Variants in PREX1 observed in about 807,000 individuals in gnomAD.
PREX1 encodes phosphatidylinositol 3,4,5-trisphosphate-dependent Rac exchanger 1 protein.
PREX1 carries 41 observed loss-of-function variants against 198.3 expected under a neutral mutation model. The ratio of observed to expected loss-of-function variants is 0.21; its 90% CI spans 0.16 to 0.27. PREX1 has a LOEUF of 0.27. Among genes scored for constraint, PREX1 ranks in the 10% least tolerant of loss-of-function variants. The pLI is 1.00. For synonymous variants in PREX1, 843 were observed against 887.2 expected, an observed-to-expected ratio of 0.95 and a Z score of 0.89; for missense variants, 1,620 against 2,200.7, an observed-to-expected ratio of 0.74 and a Z score of 5.28.
At chr20:48,659,896 C>T in intron 16 of PREX1, 23 bp downstream of exon 16, 1 of 1,613,668 alleles carries the variant, frequency 6.2e-7, no homozygotes, top group Middle Eastern at 1.7e-4. Flanking sequence ...AAGGAAGGGA[C>T]AGCTGCTCAG....
chr20:48,862,172 G>A, the PREX1 span, among the ~76,000 whole-genome samples: 1 of 151,978 alleles, frequency 6.6e-6, no homozygotes, highest in African/African-American at 2.4e-5. Flanking sequence ...CTGCCCCACT[G>A]CACTCTGGCC....
chr20:48,661,301 C>A (rs971382141), intron 15 of PREX1, among the ~76,000 whole-genome samples: 1 of 149,726 alleles, frequency 6.7e-6, no homozygotes, highest in African/African-American at 2.5e-5. Context: ...TGCCTGTAAT[C>A]CCAGCTACTC....
upstream of PREX1, among the ~76,000 whole-genome samples, chr20:48,832,222 A>T (rs1025173899): frequency 1.3e-5 from 2 of 152,042 alleles, no homozygotes; most frequent in African/African-American, 4.8e-5. Context: ...TGTACTTTGC[A>T]AATAGTGGGA....
At chr20:48,721,093 T>C (rs959570659) in intron 5 of PREX1, among the ~76,000 whole-genome samples, 1 of 152,152 alleles carries the variant, frequency 6.6e-6, no homozygotes, top group Non-Finnish European at 1.5e-5. Flanking sequence ...AACTTTCACA[T>C]AAAAGTCCCA....
At chr20:48,806,310 G>C (rs1182888075) in intron 1 of PREX1, among the ~76,000 whole-genome samples, 1 of 152,130 alleles carries the variant, frequency 6.6e-6, no homozygotes, top group Non-Finnish European at 1.5e-5. Context: ...TAAGGGACCT[G>C]GTTGCACAAC....
chr20:48,884,319 G>A, the PREX1 span, among the ~76,000 whole-genome samples: 3 of 152,248 alleles, frequency 2.0e-5, no homozygotes, highest in African/African-American at 7.2e-5. Flanking sequence ...ACAGTGTGGC[G>A]TTGGCATAAG....
chr20:48,779,355 G>A (rs1000646325), intron 1 of PREX1, among the ~76,000 whole-genome samples: 1 of 152,198 alleles, frequency 6.6e-6, no homozygotes, highest in Non-Finnish European at 1.5e-5. Flanking sequence ...TGCTGATGAG[G>A]ATGTGGAACC....
the PREX1 span, among the ~76,000 whole-genome samples, chr20:48,869,485 A>ACC: frequency 3.3e-5 from 5 of 151,554 alleles, no homozygotes; most frequent in African/African-American, 1.2e-4. Context: ...ATTTGATTTA[A>ACC]CCCACCCCCA....
At chr20:48,733,724 T>TG (rs55976118) in intron 4 of PREX1, among the ~76,000 whole-genome samples, 2 of 151,110 alleles carry the variant, frequency 1.3e-5, no homozygotes, top group Non-Finnish European at 3.0e-5. Context: ...TTGTTGTTGT[T>TG]TTGCTTCTGC....
chr20:48,671,449 A>G (rs2122984926), intron 14 of PREX1, among the ~76,000 whole-genome samples: 1 of 152,366 alleles, frequency 6.6e-6, no homozygotes, highest in East Asian at 1.9e-4. Context: ...AACTCCAGAC[A>G]ATAAATTATG....
intron 15 of PREX1, among the ~76,000 whole-genome samples, chr20:48,665,727 G>A (rs959015087): frequency 1.3e-5 from 2 of 152,170 alleles, no homozygotes; most frequent in Admixed American, 6.5e-5. Flanking sequence ...AATTTAAACC[G>A]GTGTCCATGG....
At chr20:48,638,529 G>C (rs1020790713) in intron 30 of PREX1, among the ~76,000 whole-genome samples, 10 of 152,194 alleles carry the variant, frequency 6.6e-5, no homozygotes, top group Admixed American at 6.5e-4. Context: ...CTTTGGATTT[G>C]GTTTATTAGG....
intron 18 of PREX1, 41 bp downstream of exon 18, chr20:48,656,999 G>A: frequency 6.5e-7 from 1 of 1,549,302 alleles, no homozygotes; most frequent in Non-Finnish European, 8.7e-7. Flanking sequence ...CACTCAGCCT[G>A]AGAGGGAGGG....
intron 18 of PREX1, among the ~76,000 whole-genome samples, chr20:48,655,987 A>G (rs1158641977): frequency 6.6e-6 from 1 of 152,152 alleles, no homozygotes; most frequent in Non-Finnish European, 1.5e-5. Context: ...GATAAAGCCG[A>G]GCTGGGAGCC....
the PREX1 span, among the ~76,000 whole-genome samples, chr20:48,845,369 G>A: frequency 1.3e-5 from 2 of 152,200 alleles, no homozygotes; most frequent in Non-Finnish European, 2.9e-5. Flanking sequence ...AATAAGCTGA[G>A]ATCTAAATGC....
Position 48,644,467 on chromosome 20 carries a change from C to T in PREX1, c.3543G>A (p.Leu1181=), listed in dbSNP as rs1170554352. 1 of 1,613,974 alleles carries T rather than the reference C, an allele frequency of 6.2e-7. No individual in the cohort carries two copies. ...TGTTACTTCTCACGCTGGTGTAGGA[C>T]AGGACCGAGTCTCGATTGCTGTTAC... ...SECNSNRDSV[L]SYTSVRSNSS... is the part of the protein sequence containing the mutation. The change falls in exon 27 of 40, where the codon CTG becomes CTA. Residue 1181 remains leucine (L), a synonymous_variant. Coordinates refer to ENST00000371941, the MANE Select transcript of PREX1 (RefSeq NM_020820.4).
chr20:48,839,889 C>T, the PREX1 span, among the ~76,000 whole-genome samples: 1 of 152,228 alleles, frequency 6.6e-6, no homozygotes, highest in Non-Finnish European at 1.5e-5. Flanking sequence ...CTGAATGTCT[C>T]CCTGGAGGAG....
intron 1 of PREX1, among the ~76,000 whole-genome samples, chr20:48,761,166 G>T (rs549433519): frequency 2.6e-5 from 4 of 152,352 alleles, no homozygotes; most frequent in African/African-American, 9.6e-5. Flanking sequence ...ACAGCATCAT[G>T]GGCAGGGTCA....
chr20:48,683,056 C>T (rs951819719), intron 10 of PREX1, among the ~76,000 whole-genome samples: 1 of 152,196 alleles, frequency 6.6e-6, no homozygotes, highest in African/African-American at 2.4e-5. Flanking sequence ...GTGGGACAGG[C>T]GCCCCAGGTG....
Sources: gnomAD v4.1 joint callset for allele counts (sites outside exome capture counted in the v4.1 genomes callset) on GRCh38, gnomAD v4.1.1 for gene constraint, MANE v1.5 for transcripts, NCBI Gene and HGNC (gene_info 2026-07-23, HGNC 2026-07-21) for gene names.